USP46: variants seen among roughly 807,000 people sequenced by gnomAD.
The protein encoded by USP46 is ubiquitin carboxyl-terminal hydrolase 46.
A neutral mutation model predicts 44.4 loss-of-function variants in USP46; 12 were observed. That is an observed-to-expected ratio of 0.27 (90% CI 0.17 to 0.44). The LOEUF is 0.44. Ranked by LOEUF, USP46 falls within the 20% of genes least tolerant of loss-of-function variation. The pLI, the probability that USP46 is intolerant of heterozygous loss-of-function variation, is 1.00. For missense variants in USP46, 248 were observed against 444.8 expected, an observed-to-expected ratio of 0.56 and a Z score of 3.98; for synonymous variants, 155 against 161.5, an observed-to-expected ratio of 0.96 and a Z score of 0.31.
intron 1 of USP46, among the ~76,000 whole-genome samples, chr4:52,642,004 A>C (rs1033751909): frequency 3.9e-5 from 6 of 152,232 alleles, no homozygotes; most frequent in African/African-American, 1.4e-4. Flanking sequence ...TATACTTTCA[A>C]AGTACAAAGC....
At chr4:52,636,128 A>C (rs1718106583) in intron 1 of USP46, among the ~76,000 whole-genome samples, 1 of 152,270 alleles carries the variant, frequency 6.6e-6, no homozygotes, top group Admixed American at 6.5e-5. Context: ...GGTAGGCCCA[A>C]TGGGGTCAAT....
intron 2 of USP46, 46 bp downstream of exon 2, chr4:52,631,018 T>C (rs1285099581): frequency 1.3e-6 from 2 of 1,503,008 alleles, no homozygotes; most frequent in Admixed American, 4.1e-5. Flanking sequence ...AGTTGCTTCA[T>C]ATACCCTAAA....
chr4:52,610,945 G>T (rs1716913235), intron 4 of USP46, among the ~76,000 whole-genome samples: 1 of 152,038 alleles, frequency 6.6e-6, no homozygotes, highest in Non-Finnish European at 1.5e-5. Flanking sequence ...AGCCCAGATT[G>T]CAGAGTGATA....
chr4:52,597,965 A>G (rs903318085), intron 8 of USP46, among the ~76,000 whole-genome samples: 1 of 152,244 alleles, frequency 6.6e-6, no homozygotes, highest in African/African-American at 2.4e-5. Context: ...TTCATGCATT[A>G]GCAACCCTGT....
At chr4:52,610,174 T>C (rs1015926985) in intron 5 of USP46, among the ~76,000 whole-genome samples, 1 of 151,788 alleles carries the variant, frequency 6.6e-6, no homozygotes, top group Non-Finnish European at 1.5e-5. Context: ...TCCGCCCGTC[T>C]CGGCCTCCCA....
rs74266163 is a variant in USP46, at chr4:52,645,224, C to CAA, written c.36+13889_36+13890dup. Among the ~76,000 whole-genome samples, 424 of 79,728 alleles carry CAA rather than the reference C, an allele frequency of 5.3e-3. 2 individuals carry two copies. The highest frequency in any genetic ancestry group is 0.045 in the Middle Eastern group (5 of 112). 52.3% of individuals were successfully genotyped at this position (79,728 alleles called of 152,430 possible). ...TGTGAGGTGAAGACAGACTCTATCT[C>CAA]AAAAAAAAAAAAAAAAAAAGAAAAC... On this transcript the variant is annotated intron_variant, in intron 1 of 8. Transcript: ENST00000441222.
chr4:52,597,578 G>T lies in USP46; in HGVS notation c.*62C>A. On this transcript the variant is annotated 3_prime_UTR_variant, in exon 9 of 9. Coordinates refer to ENST00000441222, the MANE Select transcript of USP46 (RefSeq NM_022832.4). ...ACTGGGGAAGAGGAAAGCCTGCGGA[G>T]AAGCCGGGTGACAGTGCTGTGAACA... The T allele has an allele frequency of 8.4e-7, 1 of 1,189,460 alleles. No individual in the cohort carries two copies. Among genetic ancestry groups the T allele is most frequent in the Non-Finnish European group, 1.2e-6 (1 of 827,602 alleles). 73.7% of individuals were successfully genotyped at this position (1,189,460 alleles called of 1,614,324 possible).
rs66817554 is a variant in USP46, at chr4:52,609,898, C to CTTTTTTTTTTT, written c.638+632_638+642dup. Among the ~76,000 whole-genome samples, 89 of 24,586 alleles carry CTTTTTTTTTTT rather than the reference C, an allele frequency of 3.6e-3. 25 individuals are homozygous for CTTTTTTTTTTT. The highest frequency in any genetic ancestry group is 4.7e-3 in the Non-Finnish European group (57 of 12,208). The allele number at this position is 24,586 out of a possible 152,430, so 16.1% of individuals were successfully genotyped here. On this transcript the variant is annotated intron_variant, in intron 5 of 8. Coordinates refer to ENST00000441222, the MANE Select transcript of USP46 (RefSeq NM_022832.4). ...GGAAACCTAAACCTCAATTCTATTT[C>CTTTTTTTTTTT]TTTTTTTTTTTTTTTTTTTTTTTTT... is the stretch of plus-strand genomic sequence containing the variant.
At chr4:52,630,946 C>T in intron 2 of USP46, 118 bp downstream of exon 2, 1 of 818,594 alleles carries the variant, frequency 1.2e-6, no homozygotes, top group South Asian at 1.7e-5. Context: ...TGGCATTCTA[C>T]TAACTACGGA....
chr4:52,646,098 A>G (rs1366859384), intron 1 of USP46, among the ~76,000 whole-genome samples: 2 of 152,186 alleles, frequency 1.3e-5, no homozygotes, highest in African/African-American at 4.8e-5. Context: ...TAGCACTGTG[A>G]GAATGGACTA....
chr4:52,659,024 C>T lies in USP46; in HGVS notation c.36+91G>A, dbSNP rs536033789. ...GGCGCGGACCCCGCCGCCCCCGCCG[C>T]CCCAGCCACCGGGCGTGTGTGCAGC... On this transcript the variant is annotated intron_variant, in intron 1 of 8. Transcript: ENST00000441222. The surrounding 1 kb of genome is among the most constrained non-coding windows in gnomAD (Gnocchi z 4.2). 571 of 1,445,378 alleles carry T rather than the reference C, an allele frequency of 4.0e-4. 7 individuals are homozygous for T. In the East Asian group the frequency reaches 0.017, roughly 44 times the overall value. The allele number at this position is 1,445,378 out of a possible 1,614,324, so 89.5% of individuals were successfully genotyped here.
At chr4:52,623,740 A>G (rs769367724) in intron 4 of USP46, among the ~76,000 whole-genome samples, 7 of 152,146 alleles carry the variant, frequency 4.6e-5, no homozygotes, top group African/African-American at 7.2e-5. Flanking sequence ...AGCCTGGCCA[A>G]CATGGTGAAA....
chr4:52,607,776 G>C (rs985603932), intron 5 of USP46, among the ~76,000 whole-genome samples: 3 of 152,264 alleles, frequency 2.0e-5, no homozygotes, highest in Middle Eastern at 3.4e-3. Flanking sequence ...CCTGGCTTCT[G>C]TTCCAGTTAT....
intron 7 of USP46, among the ~76,000 whole-genome samples, chr4:52,601,520 G>A (rs1272058340): frequency 6.6e-6 from 1 of 152,128 alleles, no homozygotes; most frequent in African/African-American, 2.4e-5. Context: ...AGATCATACT[G>A]TAAATGCAAC....
intron 1 of USP46, chr4:52,655,264 A>C (rs753516369): frequency 3.3e-5 from 5 of 152,226 alleles, no homozygotes; most frequent in Non-Finnish European, 7.3e-5. Flanking sequence ...AAGATAAGGA[A>C]CAGCTGAGCC....
At chr4:52,658,006 A>G (rs776750495) in intron 1 of USP46, among the ~76,000 whole-genome samples, 1 of 152,160 alleles carries the variant, frequency 6.6e-6, no homozygotes, top group African/African-American at 2.4e-5. Flanking sequence ...TTCTCCATCA[A>G]GCTTCCTTGG....
At chr4:52,644,251 A>G (rs957049672) in intron 1 of USP46, among the ~76,000 whole-genome samples, 1 of 152,186 alleles carries the variant, frequency 6.6e-6, no homozygotes, top group African/African-American at 2.4e-5. Context: ...TGGTGAACCT[A>G]TGATCTTAAC....
chr4:52,626,795 T>C (rs1717607761), intron 3 of USP46, among the ~76,000 whole-genome samples: 1 of 152,214 alleles, frequency 6.6e-6, no homozygotes, highest in Non-Finnish European at 1.5e-5. Context: ...ATCACATTTA[T>C]ATAAAACTAC....
intron 2 of USP46, among the ~76,000 whole-genome samples, chr4:52,629,335 G>C (rs1717717693): frequency 7.9e-5 from 12 of 152,068 alleles, no homozygotes; most frequent in Admixed American, 6.6e-4. Flanking sequence ...CCATTCAAAG[G>C]GAACATAAAT....
Sources: allele counts gnomAD v4.1 joint callset (sites outside exome capture counted in the v4.1 genomes callset), GRCh38; gene constraint gnomAD v4.1.1; non-coding constraint Gnocchi (gnomAD v3.1); transcripts MANE v1.5; gene names NCBI Gene and HGNC (gene_info 2026-07-23, HGNC 2026-07-21).